The following CAMSAP2 variants were observed in gnomAD, a reference collection of about 807,000 sequenced individuals.
CAMSAP2 encodes calmodulin-regulated spectrin-associated protein 2.
In CAMSAP2, 26 loss-of-function variants were observed where a neutral mutation model predicts 146.1. The observed-to-expected ratio is 0.18, with a 90% CI of 0.13 to 0.25. The LOEUF is 0.25. Ranked by LOEUF, CAMSAP2 falls within the 10% of genes least tolerant of loss-of-function variation. The pLI is 1.00. For missense variants in CAMSAP2, 1,381 were observed against 1,759.3 expected, an observed-to-expected ratio of 0.78 and a Z score of 3.85; for synonymous variants, 499 against 596.6, an observed-to-expected ratio of 0.84 and a Z score of 2.38.
At chr1:200,759,460 T>C (rs1664740422) in intron 1 of CAMSAP2, among the ~76,000 whole-genome samples, 1 of 152,000 alleles carries the variant, frequency 6.6e-6, no homozygotes, top group African/African-American at 2.4e-5. Flanking sequence ...GTGTTTTTAG[T>C]AGAGAGGGGT....
At chr1:200,843,589 T>G (rs57610035) in intron 7 of CAMSAP2, among the ~76,000 whole-genome samples, 26,086 of 152,176 alleles carry the variant, frequency 0.17, 2,982 homozygotes, top group East Asian at 0.35. Context: ...TGATTTCACC[T>G]GTGAAGCTCA....
At chr1:200,841,639 C>A (rs1045238462) in intron 6 of CAMSAP2, among the ~76,000 whole-genome samples, 1 of 152,172 alleles carries the variant, frequency 6.6e-6, no homozygotes, top group African/African-American at 2.4e-5. Flanking sequence ...AAAGTGATAA[C>A]CCCTCTTTAG....
intron 2 of CAMSAP2, among the ~76,000 whole-genome samples, chr1:200,771,913 C>T (rs1025868012): frequency 7.9e-5 from 12 of 152,128 alleles, no homozygotes; most frequent in Non-Finnish European, 1.6e-4. Flanking sequence ...TTAGTGTTCC[C>T]TCAGTAAATT....
At chr1:200,821,041 C>T (rs114936081) in intron 4 of CAMSAP2, among the ~76,000 whole-genome samples, 425 of 152,182 alleles carry the variant, frequency 2.8e-3, no homozygotes, top group African/African-American at 9.4e-3. Flanking sequence ...AGATTTACCT[C>T]GATTTCTTTT....
chr1:200,818,771 A>G (rs764937070), intron 4 of CAMSAP2, among the ~76,000 whole-genome samples: 1 of 152,196 alleles, frequency 6.6e-6, no homozygotes, highest in Non-Finnish European at 1.5e-5. Context: ...TGTAAAAGCA[A>G]AATTCATGCT....
intron 2 of CAMSAP2, among the ~76,000 whole-genome samples, chr1:200,764,787 C>T (rs929400445): frequency 1.4e-4 from 22 of 152,264 alleles, no homozygotes; most frequent in African/African-American, 5.3e-4. Context: ...TTCTGTAGTT[C>T]CTTTTAGTAA....
chr1:200,850,079 C>T lies in CAMSAP2; in HGVS notation c.3310C>T (p.Pro1104Ser). Residue 1104 changes from proline to serine, a missense_variant, in exon 11 of 17, where the codon CCC becomes TCC. Pro to Ser is a moderately conservative substitution (Grantham distance 74). This residue lies in a region of CAMSAP2 where 560 missense variants were observed against 715.9 expected (regional missense o/e 0.78). Transcript: ENST00000358823. Reference sequence around the variant, plus strand: ...ACCCCCTCCTAAACCCGTTTTCCCACCCACTGCTCCAAAAAATGTTAATCT... The same window carrying T: ...ACCCCCTCCTAAACCCGTTTTCCCATCCACTGCTCCAAAAAATGTTAATCT... The part of the protein sequence containing the change: ...TEPPPKPVFP[P>S]TAPKNVNLIE... The T allele has an allele frequency of 6.2e-7, 1 of 1,613,922 alleles. No individual in the cohort carries two copies. The highest frequency in any genetic ancestry group is 8.5e-7 in the Non-Finnish European group (1 of 1,179,952).
chr1:200,789,410 C>T (rs1212056258), intron 2 of CAMSAP2, among the ~76,000 whole-genome samples: 1 of 151,010 alleles, frequency 6.6e-6, no homozygotes, highest in Non-Finnish European at 1.5e-5. Flanking sequence ...TCTGGTTGTT[C>T]TAGCACCATT....
intron 3 of CAMSAP2, among the ~76,000 whole-genome samples, chr1:200,810,106 A>G (rs1396702259): frequency 6.6e-6 from 1 of 152,202 alleles, no homozygotes; most frequent in Non-Finnish European, 1.5e-5. Flanking sequence ...TTCAAACCAT[A>G]GAACCTGGGA....
intron 4 of CAMSAP2, among the ~76,000 whole-genome samples, chr1:200,817,207 CACAT>C (rs1292420261): frequency 2.1e-3 from 191 of 93,012 alleles, no homozygotes; most frequent in Admixed American, 3.0e-3. Flanking sequence ...TGTGTATACA[CACAT>C]ACACACATAT....
At position 200,849,854 on chromosome 1, in the gene CAMSAP2, C is replaced by A. The variant is rs1667569532; in HGVS notation, c.3085C>A (p.Gln1029Lys). ...ATGTTTTGGGGATGATGGAGAACCT[C>A]AGTTAAAGGAATCCAAACCTAAAGA... ...FVCFGDDGEP[Q>K]LKESKPKEEV... The change falls in exon 11 of 17, where the codon CAG becomes AAG. Residue 1029 changes from glutamine (Q) to lysine (K), a missense_variant. By Grantham distance (53) the Gln-to-Lys change is moderately conservative (BLOSUM62 1). This residue lies in a region of CAMSAP2 where 560 missense variants were observed against 715.9 expected (regional missense o/e 0.78). Coordinates refer to ENST00000358823, the MANE Select transcript of CAMSAP2 (RefSeq NM_203459.4). This position sits in a 1 kb window ranked among gnomAD's most constrained non-coding sequence, Gnocchi z 6.3. 6.2e-7 allele frequency: 1 copy of A among 1,614,010 alleles called. No individual in the cohort carries two copies.
chr1:200,817,175 TATACACACACACAC>T (rs1558192020), intron 4 of CAMSAP2, among the ~76,000 whole-genome samples: 80 of 63,444 alleles, frequency 1.3e-3, no homozygotes, highest in Admixed American at 3.6e-3. Context: ...CGTGTGTGTA[TATACACACACACAC>T]ATGTGTGTGT....
At chr1:200,791,594 C>A (rs540131500) in intron 2 of CAMSAP2, among the ~76,000 whole-genome samples, 1 of 152,090 alleles carries the variant, frequency 6.6e-6, no homozygotes, top group South Asian at 2.1e-4. Context: ...CTTGAAATAT[C>A]ACTGGAAGTT....
intron 6 of CAMSAP2, among the ~76,000 whole-genome samples, chr1:200,841,438 G>C (rs1431568237): frequency 1.3e-5 from 2 of 152,140 alleles, no homozygotes; most frequent in African/African-American, 4.8e-5. Flanking sequence ...AGTAGAGACG[G>C]GGTTTCACCT....
chr1:200,753,736 C>G (rs1215231416), intron 1 of CAMSAP2, among the ~76,000 whole-genome samples: 1 of 152,168 alleles, frequency 6.6e-6, no homozygotes, highest in Non-Finnish European at 1.5e-5. Flanking sequence ...TACTTCCCTT[C>G]TTCCCTCTCT....
At chr1:200,766,692 A>G (rs1050633077) in intron 2 of CAMSAP2, among the ~76,000 whole-genome samples, 1 of 152,118 alleles carries the variant, frequency 6.6e-6, no homozygotes, top group Non-Finnish European at 1.5e-5. Context: ...TCTCTTTTAC[A>G]TGATAACAGG....
intron 2 of CAMSAP2, among the ~76,000 whole-genome samples, chr1:200,797,389 T>A (rs1019890936): frequency 6.6e-6 from 1 of 151,572 alleles, no homozygotes; most frequent in Non-Finnish European, 1.5e-5. Context: ...GGTATCTCAT[T>A]GTGGTTTTGA....
chr1:200,855,993 T>C lies in CAMSAP2; in HGVS notation c.3897-17T>C. ...TTCTCTGTTTGAGACATAAAACATA[T>C]TTTATTTTCTAATTAGATCAGAGTC... On this transcript the variant is annotated splice_polypyrimidine_tract_variant and intron_variant, in intron 14 of 16. Transcript: ENST00000358823. The C allele has an allele frequency of 1.3e-6, 2 of 1,544,618 alleles. No individual in the cohort carries two copies. The highest frequency in any genetic ancestry group is 1.8e-6 in the Non-Finnish European group (2 of 1,121,234).
chr1:200,818,922 A>G lies in CAMSAP2; in HGVS notation c.645+3278A>G, dbSNP rs377116727. 5.3e-4 allele frequency among the ~76,000 whole-genome samples: 80 copies of G among 152,306 alleles called. 1 individual carries two copies. Among genetic ancestry groups the G allele is most frequent in the African/African-American group, 1.8e-3 (76 of 41,576 alleles). ...ACTCAGGAGCCTAGCCCTGTTGCCT[A>G]TTGCTTGTCCAGCTATAGACAGAGC... On this transcript the variant is annotated intron_variant, in intron 4 of 16. Transcript: ENST00000358823.
Sources: gnomAD v4.1 joint callset for allele counts (sites outside exome capture counted in the v4.1 genomes callset) on GRCh38, gnomAD v4.1.1 for gene constraint, gnomAD v4.1.1 regional missense constraint, Gnocchi (gnomAD v3.1) non-coding constraint, MANE v1.5 for transcripts, NCBI Gene and HGNC (gene_info 2026-07-23, HGNC 2026-07-21) for gene names.